DUXA: variants seen among roughly 807,000 people sequenced by gnomAD.
DUXA encodes double homeobox protein A.
DUXA carries 25 observed loss-of-function variants against 27.5 expected under a neutral mutation model. The observed-to-expected ratio is 0.91, with a 90% CI of 0.66 to 1.27. The LOEUF is 1.27. DUXA is among the 50% of genes most tolerant of loss of function. The pLI, the probability that DUXA is intolerant of heterozygous loss-of-function variation, is 0.00. For missense variants in DUXA, 247 were observed against 242.9 expected, an observed-to-expected ratio of 1.02 and a Z score of -0.11; for synonymous variants, 90 against 80.5, an observed-to-expected ratio of 1.12 and a Z score of -0.63.
intron 5 of DUXA, 70 bp from the exon 6 acceptor site, chr19:57,154,552 CT>C: frequency 4.1e-6 from 5 of 1,214,918 alleles, no homozygotes; most frequent in Non-Finnish European, 3.5e-6. Context: ...GGACGTCAGC[CT>C]TTTCCCACCT....
intron 1 of DUXA, among the ~76,000 whole-genome samples, chr19:57,162,785 A>C (rs1599932328): frequency 6.6e-6 from 1 of 152,232 alleles, no homozygotes; most frequent in East Asian, 1.9e-4. Flanking sequence ...CACGTTGGCC[A>C]GACTGGTCTC....
Position 57,155,339 on chromosome 19 carries a change from G to A in DUXA, c.472C>T (p.Leu158Phe), listed in dbSNP as rs1282947704. ...GCCACAGGTTCCCTTTTTCTCTGGA[G>A]AAGTAATCTAGATCTTCGATTTTGG... ...WFQNRRSRLL[L>F]QRKREPVASL... The change falls in exon 5 of 6, where the codon CTC becomes TTC. Residue 158 changes from leucine to phenylalanine, a missense_variant. Coordinates refer to ENST00000554048, the MANE Select transcript of DUXA (RefSeq NM_001012729.2). 6 of 1,614,208 alleles carry A rather than the reference G, an allele frequency of 3.7e-6. No homozygotes were observed. Among genetic ancestry groups the A allele is most frequent in the Non-Finnish European group, 5.1e-6 (6 of 1,180,032 alleles).
intron 5 of DUXA, among the ~76,000 whole-genome samples, chr19:57,154,711 C>T (rs1163641233): frequency 1.3e-5 from 2 of 152,054 alleles, no homozygotes; most frequent in African/African-American, 4.8e-5. Context: ...CTACAGGCGC[C>T]CGCCACCACG....
rs527934311 is a variant in DUXA, at chr19:57,164,532, A to AC, written c.25+2886dup. Among the ~76,000 whole-genome samples, 384 of 152,200 alleles carry AC rather than the reference A, an allele frequency of 2.5e-3. 6 individuals carry two copies. The highest frequency in any genetic ancestry group is 8.9e-3 in the African/African-American group (370 of 41,536). On this transcript the variant is annotated intron_variant, in intron 1 of 5. Transcript: ENST00000554048. Reference sequence around the variant, plus strand: ...AGAGGTTGCAGTGAGCCGAGATTGCACCATTGCACTCCAGCCTGGGCAACA... The same window carrying AC: ...AGAGGTTGCAGTGAGCCGAGATTGCACCCATTGCACTCCAGCCTGGGCAACA...
chr19:57,165,761 C>T (rs1343628519), intron 1 of DUXA, among the ~76,000 whole-genome samples: 2 of 142,346 alleles, frequency 1.4e-5, no homozygotes, highest in Non-Finnish European at 3.0e-5. Flanking sequence ...GCCGAGATCG[C>T]GCCACTGCAC....
In DUXA at chr19:57,158,311, A is replaced by T; in HGVS notation, c.438+17T>A. The T allele has an allele frequency of 6.2e-7, 1 of 1,611,152 alleles. No homozygotes were observed. The highest frequency in any genetic ancestry group is 1.3e-5 in the African/African-American group (1 of 74,884). On this transcript the variant is annotated intron_variant, in intron 4 of 5. Coordinates refer to ENST00000554048, the MANE Select transcript of DUXA (RefSeq NM_001012729.2). ...TAGATCCCTAGGAGATGGGACAACCACCTTCTTATCACTCACTTGGACTCT... is the reference window on the plus strand; with the variant it reads ...TAGATCCCTAGGAGATGGGACAACCTCCTTCTTATCACTCACTTGGACTCT...
chr19:57,155,101 C>G (rs1483935859), intron 5 of DUXA, among the ~76,000 whole-genome samples, 166 bp downstream of exon 5: 1 of 152,224 alleles, frequency 6.6e-6, no homozygotes, highest in Non-Finnish European at 1.5e-5. Context: ...GGTTCATAGG[C>G]CTGGGAAGAG....
intron 4 of DUXA, among the ~76,000 whole-genome samples, chr19:57,155,934 G>T (rs1745965839): frequency 6.6e-6 from 1 of 152,140 alleles, no homozygotes; most frequent in African/African-American, 2.4e-5. Flanking sequence ...CTCCCAAAGT[G>T]CTGGCATTAC....
intron 4 of DUXA, among the ~76,000 whole-genome samples, chr19:57,156,694 C>T (rs1426937713): frequency 6.6e-6 from 1 of 152,094 alleles, no homozygotes; most frequent in African/African-American, 2.4e-5. Flanking sequence ...GACAGAGTTT[C>T]GCCCTTGTTG....
chr19:57,154,542 G>T, intron 5 of DUXA, 60 bp from the exon 6 acceptor site: 1 of 1,363,172 alleles, frequency 7.3e-7, no homozygotes, highest in Non-Finnish European at 1.0e-6. Flanking sequence ...TCACAAACAT[G>T]GACGTCAGCC....
chr19:57,158,947 G>C (rs1432243215), intron 3 of DUXA, among the ~76,000 whole-genome samples: 2 of 152,148 alleles, frequency 1.3e-5, no homozygotes, highest in African/African-American at 4.8e-5. Context: ...TCAAGCCACT[G>C]CACTCCAGCC....
At chr19:57,158,501 G>A (rs1227882696) in intron 3 of DUXA, 28 bp from the exon 4 acceptor site, 4 of 1,606,508 alleles carry the variant, frequency 2.5e-6, no homozygotes, top group Non-Finnish European at 3.4e-6. Context: ...AGATGGAGGG[G>A]GGCGGTCAAG....
At chr19:57,155,097 T>C (rs577216195) in intron 5 of DUXA, among the ~76,000 whole-genome samples, 170 bp downstream of exon 5, 6 of 152,356 alleles carry the variant, frequency 3.9e-5, no homozygotes, top group Admixed American at 6.5e-5. Context: ...AGAAGGTTCA[T>C]AGGCCTGGGA....
In DUXA at chr19:57,158,437, G is replaced by A; in HGVS notation, c.329C>T (p.Ala110Val). The A allele has an allele frequency of 1.2e-6, 2 of 1,614,022 alleles. No homozygotes were observed. The highest frequency in any genetic ancestry group is 1.7e-6 in the Non-Finnish European group (2 of 1,179,942). The change falls in exon 4 of 6, where the codon GCC becomes GTC. Residue 110 changes from alanine (A) to valine (V), a missense_variant. By Grantham distance (64) the Ala-to-Val change is moderately conservative (BLOSUM62 0). Coordinates refer to ENST00000554048, the MANE Select transcript of DUXA (RefSeq NM_001012729.2). ...CTTGATGAGAGTGTGTAACTGAGAG[G>A]CGCTGTAGGTGGTACGACACCGTCT... ...EARRCRTTYS[A>V]SQLHTLIKAF...
chr19:57,164,219 C>G (rs1283114365), intron 1 of DUXA, among the ~76,000 whole-genome samples: 1 of 152,154 alleles, frequency 6.6e-6, no homozygotes, highest in Non-Finnish European at 1.5e-5. Flanking sequence ...GGGATTTATC[C>G]CACGGATGCA....
intron 3 of DUXA, among the ~76,000 whole-genome samples, chr19:57,158,900 C>T (rs1413518881): frequency 6.6e-6 from 1 of 152,118 alleles, no homozygotes; most frequent in African/African-American, 2.4e-5. Context: ...GGAAGAATTG[C>T]TTGAACCTGG....
At position 57,160,643 on chromosome 19, in the gene DUXA, C is replaced by T. The variant is rs868352521; in HGVS notation, c.180G>A (p.Gln60=). 25 of 1,611,876 alleles carry T rather than the reference C, an allele frequency of 1.6e-5. No individual in the cohort carries two copies. Among genetic ancestry groups the T allele is most frequent in the Non-Finnish European group, 2.1e-5 (25 of 1,179,894 alleles). ...CTGGAGATATTGAACTTTAACTTAC[C>T]TGGATTCTGGACTCTTCTGTATTGA... ...LEINTEESRI[Q]IWFQNRRARH... is the part of the protein sequence containing the mutation. Residue 60 remains glutamine, a splice_region_variant and synonymous_variant, in exon 2 of 6, where the codon CAG becomes CAA. Transcript: ENST00000554048.
At chr19:57,157,143 A>C (rs1201219885) in intron 4 of DUXA, among the ~76,000 whole-genome samples, 1 of 152,198 alleles carries the variant, frequency 6.6e-6, no homozygotes, top group Non-Finnish European at 1.5e-5. Flanking sequence ...AGGAAAGTAA[A>C]ACGAAAGAAC....
Position 57,158,447 on chromosome 19 carries a change from T to G in DUXA, c.319A>C (p.Thr107Pro). The G allele has an allele frequency of 2.5e-6, 4 of 1,613,834 alleles. No individual in the cohort carries two copies. The highest frequency in any genetic ancestry group is 3.4e-6 in the Non-Finnish European group (4 of 1,179,814). The change falls in exon 4 of 6, where the codon ACC (threonine) becomes CCC (proline). Residue 107 changes from threonine (T) to proline (P), a missense_variant. Thr to Pro is a conservative substitution (Grantham distance 38, BLOSUM62 -1). Transcript: ENST00000554048. ...GTGTGTAACTGAGAGGCGCTGTAGG[T>G]GGTACGACACCGTCTGGCTTCTCTA... ...QSREARRCRT[T>P]YSASQLHTLI... is the part of the protein sequence containing the mutation.
Sources: gnomAD v4.1 joint callset for allele counts (sites outside exome capture counted in the v4.1 genomes callset) on GRCh38, gnomAD v4.1.1 for gene constraint, MANE v1.5 for transcripts, NCBI Gene and HGNC (gene_info 2026-07-23, HGNC 2026-07-21) for gene names.